NPSR1: variants seen among roughly 807,000 people sequenced by gnomAD.
NPSR1 encodes neuropeptide S receptor 1.
In NPSR1, 48 loss-of-function variants were observed where a neutral mutation model predicts 46.9. The ratio of observed to expected loss-of-function variants is 1.02; its 90% CI spans 0.81 to 1.30. NPSR1 has a LOEUF of 1.30. Ranked by LOEUF, NPSR1 falls within the 50% of genes most tolerant of loss-of-function variation. The pLI is 0.00. For missense variants in NPSR1, 450 were observed against 449.5 expected (o/e 1.00, Z -0.01); for synonymous variants, 176 against 168.1 (o/e 1.05, Z -0.36).
chr7:34,721,489 C>T lies in NPSR1; in HGVS notation c.280+36805C>T, dbSNP rs1352885723. Among the ~76,000 whole-genome samples the T allele has an allele frequency of 5.3e-5, 8 of 152,212 alleles. No individual in the cohort carries two copies. The East Asian group carries it at 1.5e-3, about 29-fold the overall frequency. The stretch of plus-strand genomic sequence containing the variant: ...GAACGAGACCCCACCTCCCTCCCAC[C>T]TTCAGCATCACATCTTGCCAAAGCA... On this transcript the variant is annotated intron_variant, in intron 2 of 8. Coordinates refer to ENST00000360581, the MANE Select transcript of NPSR1 (RefSeq NM_207172.2).
In NPSR1 at chr7:34,790,764, TATATA is replaced by T. The variant is rs1377677099; in HGVS notation, c.384+12205_384+12209del. Among the ~76,000 whole-genome samples the T allele has an allele frequency of 4.3e-3, 530 of 122,942 alleles. 10 individuals carry two copies. The highest frequency in any genetic ancestry group is 0.011 in the African/African-American group (388 of 35,846). The allele number at this position is 122,942 out of a possible 152,430, so 80.7% of individuals were successfully genotyped here. On this transcript the variant is annotated intron_variant, in intron 3 of 8. Transcript: ENST00000360581. ...TATATATAATATATGTTATATGTTA[TATATA>T]ATATATGTTATATGTTATATATATG...
intron 1 of NPSR1, among the ~76,000 whole-genome samples, chr7:34,665,160 C>G (rs888962973): frequency 6.6e-6 from 1 of 152,136 alleles, no homozygotes; most frequent in African/African-American, 2.4e-5. Context: ...TGATTTTGGT[C>G]TGGATAGGTT....
At chr7:34,729,832 G>T (rs547728741) in intron 2 of NPSR1, among the ~76,000 whole-genome samples, 1 of 152,308 alleles carries the variant, frequency 6.6e-6, no homozygotes, top group Non-Finnish European at 1.5e-5. Flanking sequence ...GAGTGCAATG[G>T]CACGATCTCA....
intron 7 of NPSR1, among the ~76,000 whole-genome samples, chr7:34,846,569 A>T (rs1643169378): frequency 6.6e-6 from 1 of 152,226 alleles, no homozygotes; most frequent in Non-Finnish European, 1.5e-5. Flanking sequence ...AAGCACAGCT[A>T]CACTAGAAGA....
intron 2 of NPSR1, among the ~76,000 whole-genome samples, chr7:34,715,237 A>C (rs1188227073): frequency 6.6e-6 from 1 of 152,226 alleles, no homozygotes; most frequent in East Asian, 1.9e-4. Context: ...GGAAACTCAT[A>C]TATGGAAAGG....
At chr7:34,734,454 T>TG (rs1471876423) in intron 2 of NPSR1, among the ~76,000 whole-genome samples, 1 of 152,050 alleles carries the variant, frequency 6.6e-6, no homozygotes, top group Non-Finnish European at 1.5e-5. Flanking sequence ...TTGAACAGCA[T>TG]GGATGATAGG....
At chr7:34,823,399 G>GAAAAAGA (rs1554336128) in intron 4 of NPSR1, among the ~76,000 whole-genome samples, 1 of 68,272 alleles carries the variant, frequency 1.5e-5, no homozygotes, top group South Asian at 4.4e-4. Flanking sequence ...GACTTCACCA[G>GAAAAAGA]AAAAAAAAAA....
chr7:34,661,213 C>G (rs995208146), intron 1 of NPSR1, among the ~76,000 whole-genome samples: 9 of 152,148 alleles, frequency 5.9e-5, no homozygotes, highest in African/African-American at 2.2e-4. Context: ...CCCTACCCTG[C>G]CTGGTCTCTA....
chr7:34,778,613 A>T, intron 3 of NPSR1, 48 bp downstream of exon 3: 1 of 1,195,402 alleles, frequency 8.4e-7, no homozygotes, highest in Non-Finnish European at 1.2e-6. Context: ...TACCAGAGTT[A>T]GCTTTTAGAT....
At chr7:34,713,796 G>A (rs571303071) in intron 2 of NPSR1, among the ~76,000 whole-genome samples, 1 of 152,222 alleles carries the variant, frequency 6.6e-6, no homozygotes, top group East Asian at 1.9e-4. Flanking sequence ...TCCCAGGCCT[G>A]TCCCGGATCC....
chr7:34,792,677 A>ATATATATT (rs1787960782), intron 3 of NPSR1, among the ~76,000 whole-genome samples: 3 of 90,556 alleles, frequency 3.3e-5, no homozygotes, highest in South Asian at 3.3e-4. Context: ...ATATATATGT[A>ATATATATT]TATATATATA....
chr7:34,730,303 C>T (rs1359776227), intron 2 of NPSR1, among the ~76,000 whole-genome samples: 3 of 152,112 alleles, frequency 2.0e-5, no homozygotes, highest in Non-Finnish European at 4.4e-5. Context: ...ATTGATGTTC[C>T]TGCTTTTCTG....
chr7:34,845,541 C>G (rs1237480201), intron 7 of NPSR1: 1 of 455,244 alleles, frequency 2.2e-6, no homozygotes, highest in African/African-American at 2.0e-5. Context: ...CGGCTTACTT[C>G]CTAATCTCAT....
intron 2 of NPSR1, chr7:34,704,129 G>A (rs1793986218): frequency 6.6e-6 from 1 of 152,198 alleles, no homozygotes; most frequent in Non-Finnish European, 1.5e-5. Flanking sequence ...AAGGCCAGGA[G>A]TGTTGAGGCG....
chr7:34,822,562 G>T (rs1246316792), intron 4 of NPSR1, among the ~76,000 whole-genome samples: 2 of 152,210 alleles, frequency 1.3e-5, no homozygotes, highest in East Asian at 1.9e-4. Flanking sequence ...AGAGAAATAT[G>T]CAGTGTTATA....
At chr7:34,859,201 T>A (rs1244113729) in intron 8 of NPSR1, among the ~76,000 whole-genome samples, 1 of 151,746 alleles carries the variant, frequency 6.6e-6, no homozygotes, top group Admixed American at 6.5e-5. Context: ...GGAACATTGA[T>A]GCCAACATTT....
chr7:34,869,136 A>G lies in NPSR1; in HGVS notation c.1026-8940A>G, dbSNP rs1271111609. 6.6e-5 allele frequency among the ~76,000 whole-genome samples: 10 copies of G among 151,632 alleles called. 1 individual carries two copies. Among genetic ancestry groups the G allele is most frequent in the Admixed American group, 6.6e-4 (10 of 15,256 alleles). Reference sequence around the variant, plus strand: ...CACAACACTGGCAGAACGAATGTCTACTCCACGACAGGGCTGCCACAGTAT... The same window carrying G: ...CACAACACTGGCAGAACGAATGTCTGCTCCACGACAGGGCTGCCACAGTAT... On this transcript the variant is annotated intron_variant, in intron 8 of 8. Coordinates refer to the NPSR1 transcript ENST00000359791.
chr7:34,684,087 T>A (rs1792796527), intron 1 of NPSR1, among the ~76,000 whole-genome samples: 1 of 96,884 alleles, frequency 1.0e-5, no homozygotes, highest in African/African-American at 7.5e-5. Flanking sequence ...TTTTCCCACT[T>A]ACCATTATAG....
chr7:34,741,066 C>T (rs919293559), intron 2 of NPSR1, among the ~76,000 whole-genome samples: 1 of 152,208 alleles, frequency 6.6e-6, no homozygotes, highest in Admixed American at 6.5e-5. Context: ...CTTATGGAGG[C>T]ACTCTTGTAC....
Sources: gnomAD v4.1 joint callset for allele counts (sites outside exome capture counted in the v4.1 genomes callset) on GRCh38, gnomAD v4.1.1 for gene constraint, MANE v1.5 for transcripts, NCBI Gene and HGNC (gene_info 2026-07-23, HGNC 2026-07-21) for gene names.